The following SBNO2 variants were observed in gnomAD, a reference collection of about 807,000 sequenced individuals.
The protein encoded by SBNO2 is strawberry notch homolog 2, also known as protein strawberry notch homolog 2.
SBNO2 carries 89 observed loss-of-function variants against 146.3 expected under a neutral mutation model. The observed-to-expected ratio is 0.61, with a 90% CI of 0.51 to 0.73. SBNO2 has a LOEUF of 0.73. Among genes scored for constraint, SBNO2 ranks in the 30% least tolerant of loss-of-function variants. The pLI, the probability that SBNO2 is intolerant of heterozygous loss-of-function variation, is 0.00. For synonymous variants in SBNO2, 1,147 were observed against 892.6 expected, an observed-to-expected ratio of 1.29 and a Z score of -5.08; for missense variants, 2,092 against 2,003.7, an observed-to-expected ratio of 1.04 and a Z score of -0.84.
Position 1,119,074 on chromosome 19 carries a change from G to C in SBNO2, c.1464C>G (p.Phe488Leu). The change falls in exon 14 of 32, where the codon TTC becomes TTG. Residue 488 changes from phenylalanine to leucine, a missense_variant. By Grantham distance (22) the Phe-to-Leu change is conservative. Transcript: ENST00000361757. ...GGGCCAGCGGGATCTCCTCGATGCGGAAGGTGACGCCGGAGAAGCTGAGCT... is the reference window on the plus strand; with the variant it reads ...GGGCCAGCGGGATCTCCTCGATGCGCAAGGTGACGCCGGAGAAGCTGAGCT... Reference protein sequence around the residue: ...ARQLSFSGVTFRIEEIPLAPA... With the variant: ...ARQLSFSGVTLRIEEIPLAPA... The C allele has an allele frequency of 6.2e-7, 1 of 1,606,240 alleles. No homozygotes were observed. The highest frequency in any genetic ancestry group is 8.5e-7 in the Non-Finnish European group (1 of 1,177,388).
rs747395050 is a variant in SBNO2 at position 1,109,527 on chromosome 19, G to A, written c.3195C>T (p.Asp1065=). 35 of 1,600,084 alleles carry A rather than the reference G, an allele frequency of 2.2e-5. No individual in the cohort carries two copies. Among genetic ancestry groups the A allele is most frequent in the Non-Finnish European group, 2.8e-5 (33 of 1,174,692 alleles). The change falls in exon 28 of 32, where the codon GAC becomes GAT. Residue 1065 remains aspartate, a synonymous_variant. Coordinates refer to ENST00000361757, the MANE Select transcript of SBNO2 (RefSeq NM_014963.3). The surrounding 1 kb of genome is among the most constrained non-coding windows in gnomAD (Gnocchi z 4.2). The part of the protein sequence containing the change: ...AKSLALTGPY[D]GFYLSYKVRG... Reference sequence around the variant, plus strand: ...CCACCTTGTAGGAGAGGTAGAAGCCGTCATAGGGGCCCGTCAGCGCCAGCG... The same window carrying A: ...CCACCTTGTAGGAGAGGTAGAAGCCATCATAGGGGCCCGTCAGCGCCAGCG...
At chr19:1,115,772 G>A (rs750469408) in intron 17 of SBNO2, 17 of 567,756 alleles carry the variant, frequency 3.0e-5, no homozygotes, top group African/African-American at 5.8e-5. Context: ...CCCGCCCCCC[G>A]GGTCTCGCTC....
At chr19:1,142,475 T>C (rs1161681910) in intron 4 of SBNO2, among the ~76,000 whole-genome samples, 1 of 152,148 alleles carries the variant, frequency 6.6e-6, no homozygotes. Context: ...AGGTCAGGAG[T>C]TCGAGACCAG....
chr19:1,162,991 C>A (rs2080364206), intron 1 of SBNO2, among the ~76,000 whole-genome samples: 1 of 152,160 alleles, frequency 6.6e-6, no homozygotes, highest in Admixed American at 6.5e-5. Context: ...GGGGCAGGAT[C>A]AGACCCCACA....
At position 1,110,608 on chromosome 19, in the gene SBNO2, A is replaced by C. The variant is rs555646860; in HGVS notation, c.3028+137T>G. ...CGAGCCCCTCGCCCACCCGGGATGC[A>C]CGGTGTTCCCACGAGCCCCTCGCCC... On this transcript the variant is annotated intron_variant, in intron 26 of 31. Transcript: ENST00000361757. The surrounding 1 kb of genome is among the most constrained non-coding windows in gnomAD (Gnocchi z 4.9). 3.7e-4 allele frequency: 370 copies of C among 1,000,188 alleles called. 2 individuals are homozygous for C. The African/African-American group carries it at 5.1e-3, about 14-fold the overall frequency. 62.0% of individuals were successfully genotyped at this position (1,000,188 alleles called of 1,614,324 possible). A position where few individuals can be genotyped will look rare whatever the true frequency, so the allele number is the denominator to read the frequency against.
chr19:1,159,986 C>T (rs180916401), intron 1 of SBNO2, among the ~76,000 whole-genome samples: 1 of 152,170 alleles, frequency 6.6e-6, no homozygotes, highest in African/African-American at 2.4e-5. Flanking sequence ...CCCCTGCCCA[C>T]GCCAGTGCTG....
At position 1,140,717 on chromosome 19, in the gene SBNO2, T is replaced by A. The variant is rs971933134; in HGVS notation, c.279+6592A>T. 6.6e-6 allele frequency among the ~76,000 whole-genome samples: 1 copy of A among 152,144 alleles called. No homozygotes were observed. Among genetic ancestry groups the A allele is most frequent in the African/African-American group, 2.4e-5 (1 of 41,442 alleles). ...GGAAAACAGACGGACGCAGCAGGGA[T>A]GCCCGCAGGCAGCTCCCACGGGCAG... On this transcript the variant is annotated intron_variant, in intron 4 of 31. Transcript: ENST00000361757. This position sits in a 1 kb window ranked among gnomAD's most constrained non-coding sequence, Gnocchi z 4.4.
chr19:1,145,388 G>A (rs530490548), intron 4 of SBNO2, among the ~76,000 whole-genome samples: 4 of 150,846 alleles, frequency 2.7e-5, no homozygotes, highest in East Asian at 1.9e-4. Flanking sequence ...CAGGAAAATC[G>A]CTTGAACCTG....
intron 4 of SBNO2, among the ~76,000 whole-genome samples, chr19:1,142,866 C>T (rs1464960003): frequency 6.6e-6 from 1 of 152,148 alleles, no homozygotes; most frequent in Non-Finnish European, 1.5e-5. Context: ...ACTTGGTAGG[C>T]TGAGGCAGGA....
chr19:1,147,278 C>G lies in SBNO2; in HGVS notation c.279+31G>C, dbSNP rs200656777. On this transcript the variant is annotated intron_variant, in intron 4 of 31. Transcript: ENST00000361757. The stretch of plus-strand genomic sequence containing the variant: ...GGCGGCCCAGACTCCACCCTGCCCC[C>G]CACGGCGCGGTGAGCTCCTGGGGCT... 4.9e-4 allele frequency: 722 copies of G among 1,461,098 alleles called. 3 individuals are homozygous for G. In the African/African-American group the frequency reaches 9.4e-3, roughly 19 times the overall value. 90.5% of individuals were successfully genotyped at this position (1,461,098 alleles called of 1,614,324 possible).
intron 1 of SBNO2, among the ~76,000 whole-genome samples, chr19:1,164,906 GAGGCAC>G (rs1568644958): frequency 1.2e-5 from 1 of 86,760 alleles, no homozygotes; most frequent in African/African-American, 4.1e-5. Flanking sequence ...GGAGGAGGAG[GAGGCAC>G]AGGAGGAGGA....
chr19:1,173,802 A>C lies in SBNO2; in HGVS notation c.-127+370T>G, dbSNP rs2080504020. ...GGGGTCAAGGGTTACCAGAAAACGA[A>C]AGGTCGGGGGTCACCAAGCTGCGCG... On this transcript the variant is annotated intron_variant, in intron 1 of 31. Coordinates refer to ENST00000361757, the MANE Select transcript of SBNO2 (RefSeq NM_014963.3). The surrounding 1 kb of genome is among the most constrained non-coding windows in gnomAD (Gnocchi z 4.7). 2.0e-5 allele frequency: 3 copies of C among 151,802 alleles called. No individual in the cohort carries two copies. 9.4% of individuals were successfully genotyped at this position (151,802 alleles called of 1,614,324 possible). A position where few individuals can be genotyped will look rare whatever the true frequency, so the allele number is the denominator to read the frequency against.
intron 1 of SBNO2, among the ~76,000 whole-genome samples, chr19:1,165,898 T>G (rs1407293397): frequency 6.8e-4 from 1 of 1,460 alleles, no homozygotes; most frequent in Non-Finnish European, 1.4e-3. Flanking sequence ...ACCCCAGATC[T>G]CAGACCCCCA....
chr19:1,151,366 C>A (rs2080240726), intron 2 of SBNO2, among the ~76,000 whole-genome samples: 2 of 152,178 alleles, frequency 1.3e-5, no homozygotes, highest in South Asian at 4.1e-4. Context: ...ACATGCTCCA[C>A]CTGTACCCAG....
intron 4 of SBNO2, among the ~76,000 whole-genome samples, chr19:1,134,829 C>G (rs555747612): frequency 6.6e-6 from 1 of 151,940 alleles, no homozygotes; most frequent in African/African-American, 2.4e-5. Context: ...GGGTGGATCA[C>G]GAGGTCAGGA....
intron 18 of SBNO2, among the ~76,000 whole-genome samples, 181 bp downstream of exon 18, chr19:1,114,050 G>A (rs1165251876): frequency 2.0e-5 from 3 of 152,190 alleles, no homozygotes; most frequent in Non-Finnish European, 2.9e-5. Flanking sequence ...CATCTGTAAA[G>A]TGGGCACCAT....
In SBNO2 at chr19:1,150,213, C is replaced by T. The variant is rs2080229416; in HGVS notation, c.94-771G>A. 6.6e-6 allele frequency among the ~76,000 whole-genome samples: 1 copy of T among 152,130 alleles called. No homozygotes were observed. Among genetic ancestry groups the T allele is most frequent in the Non-Finnish European group, 1.5e-5 (1 of 68,018 alleles). On this transcript the variant is annotated intron_variant, in intron 2 of 31. Transcript: ENST00000361757. This position sits in a 1 kb window ranked among gnomAD's most constrained non-coding sequence, Gnocchi z 6.2. ...CTGGGAAAACCTCACTATGCCTGCCCTTGGGAATGAGAGCGGCTTGAGGCA... is the reference window on the plus strand; with the variant it reads ...CTGGGAAAACCTCACTATGCCTGCCTTTGGGAATGAGAGCGGCTTGAGGCA...
In SBNO2 at chr19:1,158,319, G is replaced by A. The variant is rs1342394714; in HGVS notation, c.-126-3917C>T. On this transcript the variant is annotated intron_variant, in intron 1 of 31. Coordinates refer to ENST00000361757, the MANE Select transcript of SBNO2 (RefSeq NM_014963.3). This position sits in a 1 kb window ranked among gnomAD's most constrained non-coding sequence, Gnocchi z 9.9. ...AGCCCGGTTCTCCTGCCGTCCTCTC[G>A]CCGAGCAGGGTTGTGACCCCCGCAC... Among the ~76,000 whole-genome samples the A allele has an allele frequency of 1.3e-5, 2 of 152,074 alleles. No homozygotes were observed. Among genetic ancestry groups the A allele is most frequent in the East Asian group, 1.9e-4 (1 of 5,194 alleles).
intron 4 of SBNO2, among the ~76,000 whole-genome samples, chr19:1,131,380 C>T (rs2080026394): frequency 6.6e-6 from 1 of 152,172 alleles, no homozygotes; most frequent in Non-Finnish European, 1.5e-5. Flanking sequence ...TGGTTCTTGT[C>T]TCTGTAGCAT....
Sources: allele counts gnomAD v4.1 joint callset (sites outside exome capture counted in the v4.1 genomes callset), GRCh38; gene constraint gnomAD v4.1.1; non-coding constraint Gnocchi (gnomAD v3.1); transcripts MANE v1.5; gene names NCBI Gene and HGNC (gene_info 2026-07-23, HGNC 2026-07-21).